The following ACVR1 variants were observed in gnomAD, a reference collection of about 807,000 sequenced individuals.
The protein encoded by ACVR1 is activin receptor type-1.
Under a neutral mutation model 57.1 loss-of-function variants are expected in ACVR1, and 38 were observed. The ratio of observed to expected loss-of-function variants is 0.67; its 90% CI spans 0.51 to 0.87. ACVR1 has a LOEUF of 0.87. ACVR1 is among the 40% of genes least tolerant of loss of function. The probability of loss-of-function intolerance (pLI) is 0.00; values close to 1 mark genes in which losing one functional copy is unlikely to be tolerated. For synonymous variants in ACVR1, 212 were observed against 228.1 expected (o/e 0.93, Z 0.63); for missense variants, 463 against 638.2 (o/e 0.73, Z 2.96).
At chr2:157,855,361 G>A (rs994764054) in intron 1 of ACVR1, among the ~76,000 whole-genome samples, 8 of 143,366 alleles carry the variant, frequency 5.6e-5, no homozygotes, top group East Asian at 2.2e-4. Context: ...TTAGCCGGAC[G>A]TGGTGGCTTT....
At chr2:157,763,553 T>C (rs1476285669) in intron 8 of ACVR1, among the ~76,000 whole-genome samples, 5 of 152,130 alleles carry the variant, frequency 3.3e-5, no homozygotes, top group African/African-American at 1.2e-4. Flanking sequence ...ACCTCATTTC[T>C]ACTAAGAACA....
intron 2 of ACVR1, among the ~76,000 whole-genome samples, chr2:157,811,105 T>A (rs767055404): frequency 5.3e-5 from 8 of 152,192 alleles, no homozygotes; most frequent in Non-Finnish European, 1.0e-4. Flanking sequence ...ACCACCTTCT[T>A]CCCTTGGCTT....
At position 157,778,348 on chromosome 2, in the gene ACVR1, G is replaced by C; in HGVS notation, c.332-6C>G. 3 of 1,610,854 alleles carry C rather than the reference G, an allele frequency of 1.9e-6. No individual in the cohort carries two copies. Among genetic ancestry groups the C allele is most frequent in the Non-Finnish European group, 2.5e-6 (3 of 1,177,522 alleles). On this transcript the variant is annotated splice_region_variant and splice_polypyrimidine_tract_variant and intron_variant, in intron 4 of 10. Transcript: ENST00000434821. Reference sequence around the variant, plus strand: ...TGTTCCAGGGAAGGATTTTCCTGGAGTTGGAGGGAAAAGGGGGAATTAGTT... The same window carrying C: ...TGTTCCAGGGAAGGATTTTCCTGGACTTGGAGGGAAAAGGGGGAATTAGTT...
At chr2:157,743,424 A>G (rs1336860418) in intron 9 of ACVR1, among the ~76,000 whole-genome samples, 2 of 152,002 alleles carry the variant, frequency 1.3e-5, no homozygotes, top group African/African-American at 2.4e-5. Flanking sequence ...TTTAAATCGG[A>G]TATTCTGGGG....
intron 2 of ACVR1, among the ~76,000 whole-genome samples, chr2:157,807,256 G>T (rs1453273525): frequency 6.6e-6 from 1 of 152,198 alleles, no homozygotes; most frequent in African/African-American, 2.4e-5. Context: ...TACACAGAAT[G>T]AAATTGACTT....
At chr2:157,803,840 G>C (rs899250890) in intron 2 of ACVR1, among the ~76,000 whole-genome samples, 1 of 151,764 alleles carries the variant, frequency 6.6e-6, no homozygotes, top group African/African-American at 2.4e-5. Flanking sequence ...GATATTTACA[G>C]TGTTAAAAAT....
intron 1 of ACVR1, among the ~76,000 whole-genome samples, chr2:157,850,757 G>A (rs1689269817): frequency 6.6e-6 from 1 of 152,094 alleles, no homozygotes; most frequent in Non-Finnish European, 1.5e-5. Context: ...AAGGGTTTGA[G>A]ACCAGCCTGG....
rs540807991 is a variant in ACVR1 at position 157,804,775 on chromosome 2, G to A, written c.-7-5275C>T. On this transcript the variant is annotated intron_variant, in intron 2 of 10. Coordinates refer to ENST00000434821, the MANE Select transcript of ACVR1 (RefSeq NM_001111067.4). ...CTCAGGCCTACTTTCTTAGAAGACA[G>A]AACATTCCCATGATATTCTACTAAA... Among the ~76,000 whole-genome samples the A allele has an allele frequency of 1.6e-4, 25 of 152,296 alleles. No individual in the cohort carries two copies. The East Asian group carries it at 4.2e-3, about 26-fold the overall frequency.
chr2:157,849,129 T>C (rs1019164548), intron 1 of ACVR1, among the ~76,000 whole-genome samples: 5 of 152,320 alleles, frequency 3.3e-5, no homozygotes, highest in African/African-American at 1.2e-4. Context: ...ACTAAATTAC[T>C]ATCTGTAATG....
chr2:157,824,542 A>G (rs1688270578), intron 1 of ACVR1, among the ~76,000 whole-genome samples: 1 of 152,212 alleles, frequency 6.6e-6, no homozygotes, highest in Admixed American at 6.5e-5. Context: ...AAAAGAGAAC[A>G]TGAAAGACTA....
chr2:157,847,680 T>C (rs1250931712), intron 1 of ACVR1, among the ~76,000 whole-genome samples: 1 of 152,112 alleles, frequency 6.6e-6, no homozygotes, highest in Non-Finnish European at 1.5e-5. Flanking sequence ...GTTTATAATC[T>C]ACCAAGAAAG....
At chr2:157,807,563 A>AC (rs1553507099) in intron 2 of ACVR1, among the ~76,000 whole-genome samples, 48 of 141,040 alleles carry the variant, frequency 3.4e-4, no homozygotes, top group South Asian at 6.8e-4. Context: ...TGACTGGACC[A>AC]TTTTTTTTTT....
chr2:157,849,582 G>GA (rs1336001109), intron 1 of ACVR1, among the ~76,000 whole-genome samples: 1 of 152,154 alleles, frequency 6.6e-6, no homozygotes, highest in Non-Finnish European at 1.5e-5. Flanking sequence ...ATCACGCATC[G>GA]AAACTGTCAA....
At chr2:157,825,123 A>G (rs1255229278) in intron 1 of ACVR1, among the ~76,000 whole-genome samples, 2 of 152,070 alleles carry the variant, frequency 1.3e-5, no homozygotes, top group Non-Finnish European at 2.9e-5. Flanking sequence ...TGCAAGGCCC[A>G]CTGAAATCTT....
chr2:157,784,048 G>GT (rs2105286280), intron 3 of ACVR1, among the ~76,000 whole-genome samples: 2 of 152,290 alleles, frequency 1.3e-5, no homozygotes, highest in South Asian at 4.1e-4. Context: ...TTAAAGCAAG[G>GT]TAGTAATAGC....
intron 9 of ACVR1, among the ~76,000 whole-genome samples, chr2:157,745,592 A>C (rs1165376868): frequency 1.3e-5 from 2 of 152,214 alleles, no homozygotes; most frequent in African/African-American, 4.8e-5. Flanking sequence ...AAATTCCAGG[A>C]AGTCAGGGGG....
intron 1 of ACVR1, among the ~76,000 whole-genome samples, chr2:157,874,532 C>T (rs1177122375): frequency 2.0e-5 from 3 of 152,204 alleles, no homozygotes; most frequent in Non-Finnish European, 2.9e-5. Flanking sequence ...AGTGCCAGGA[C>T]ATACTATAGT....
intron 3 of ACVR1, chr2:157,790,139 CTAAG>C (rs1337950952): frequency 6.6e-6 from 1 of 152,216 alleles, no homozygotes; most frequent in Non-Finnish European, 1.5e-5. Context: ...CACCTGTCTA[CTAAG>C]TAAGTCCACA....
intron 9 of ACVR1, among the ~76,000 whole-genome samples, chr2:157,749,394 T>C (rs1321354731): frequency 6.6e-6 from 1 of 152,186 alleles, no homozygotes; most frequent in Non-Finnish European, 1.5e-5. Context: ...ACATAGGCCA[T>C]CTATCCAGGG....
Sources: allele counts gnomAD v4.1 joint callset (sites outside exome capture counted in the v4.1 genomes callset), GRCh38; gene constraint gnomAD v4.1.1; transcripts MANE v1.5; gene names NCBI Gene and HGNC (gene_info 2026-07-23, HGNC 2026-07-21).